The following TIMM17A variants were observed in gnomAD, a reference collection of about 807,000 sequenced individuals.
TIMM17A encodes mitochondrial import inner membrane translocase subunit Tim17-A.
In TIMM17A, 15 loss-of-function variants were observed where a neutral mutation model predicts 26.5. The ratio of observed to expected loss-of-function variants is 0.57; its 90% CI spans 0.38 to 0.87. TIMM17A has a LOEUF of 0.87. Among genes scored for constraint, TIMM17A ranks in the 40% least tolerant of loss-of-function variants. TIMM17A has a pLI of 0.00. For missense variants in TIMM17A, 201 were observed against 210.0 expected (o/e 0.96, Z 0.27); for synonymous variants, 80 against 70.8 (o/e 1.13, Z -0.66).
At chr1:201,966,133 T>C (rs1682619782) in intron 5 of TIMM17A, among the ~76,000 whole-genome samples, 1 of 152,224 alleles carries the variant, frequency 6.6e-6, no homozygotes, top group Non-Finnish European at 1.5e-5. Flanking sequence ...TTGTTGCCTG[T>C]TGTTCCTCCT....
intron 5 of TIMM17A, among the ~76,000 whole-genome samples, chr1:201,966,991 T>TGTGTGTGTGTGTGTGTG (rs1491350132): frequency 7.5e-6 from 1 of 133,100 alleles, no homozygotes; most frequent in South Asian, 2.4e-4. Flanking sequence ...ATTATATATG[T>TGTGTGTGTGTGTGTGTG]TGTGTGTGTG....
chr1:201,965,574 A>G lies in TIMM17A; in HGVS notation c.430+31A>G, dbSNP rs758168247. The G allele has an allele frequency of 6.0e-6, 8 of 1,338,558 alleles. No individual in the cohort carries two copies. The Admixed American group carries it at 8.4e-5, about 14-fold the overall frequency. 82.9% of individuals were successfully genotyped at this position (1,338,558 alleles called of 1,614,324 possible). A position where few individuals can be genotyped will look rare whatever the true frequency, so the allele number is the denominator to read the frequency against. ...TCTTTTTGCTTAAAACTATAGCTCA[A>G]ACATTTTGGAATGGTTTTCTGATGT... On this transcript the variant is annotated intron_variant, in intron 5 of 5. Transcript: ENST00000367287.
At chr1:201,965,355 A>G in intron 4 of TIMM17A, 78 bp from the exon 5 acceptor site, 2 of 1,013,474 alleles carry the variant, frequency 2.0e-6, no homozygotes, top group Non-Finnish European at 3.1e-6. Flanking sequence ...CACCATATGG[A>G]CAGTTCTCTT....
chr1:201,967,703 C>T (rs992090848), intron 5 of TIMM17A, among the ~76,000 whole-genome samples: 63 of 151,708 alleles, frequency 4.2e-4, no homozygotes, highest in Admixed American at 4.0e-3. Flanking sequence ...CCGCTATGCC[C>T]GGCTAATTTT....
chr1:201,964,158 A>G (rs1682581184), intron 4 of TIMM17A, among the ~76,000 whole-genome samples: 1 of 152,156 alleles, frequency 6.6e-6, no homozygotes, highest in Non-Finnish European at 1.5e-5. Flanking sequence ...GGTGATTTGA[A>G]AAAAAAGTAA....
intron 3 of TIMM17A, among the ~76,000 whole-genome samples, chr1:201,958,816 T>G (rs937456667): frequency 6.6e-6 from 1 of 152,224 alleles, no homozygotes; most frequent in Non-Finnish European, 1.5e-5. Context: ...TAATCTTCTC[T>G]TTGCTTTTCT....
At chr1:201,959,766 A>G (rs927246918) in intron 3 of TIMM17A, among the ~76,000 whole-genome samples, 21 of 151,606 alleles carry the variant, frequency 1.4e-4, no homozygotes, top group African/African-American at 5.1e-4. Flanking sequence ...CAAGGTGAGG[A>G]GAGCGAGACT....
intron 5 of TIMM17A, 118 bp from the exon 6 acceptor site, chr1:201,969,351 T>C (rs1436058381): frequency 5.1e-6 from 4 of 777,546 alleles, no homozygotes; most frequent in Admixed American, 5.4e-5. Context: ...TTTAGGGTTA[T>C]AGCTTTAATT....
At chr1:201,963,388 A>T in intron 3 of TIMM17A, 1 of 419,564 alleles carries the variant, frequency 2.4e-6, no homozygotes, top group East Asian at 5.6e-5. Flanking sequence ...CTTATTTCTT[A>T]TAGGCTTTGG....
At chr1:201,967,047 A>G (rs1682646644) in intron 5 of TIMM17A, among the ~76,000 whole-genome samples, 1 of 138,838 alleles carries the variant, frequency 7.2e-6, no homozygotes, top group Non-Finnish European at 1.6e-5. Context: ...GTAGTAGTGA[A>G]AATTTGACCT....
intron 1 of TIMM17A, among the ~76,000 whole-genome samples, chr1:201,956,002 C>G (rs1350724430): frequency 6.6e-6 from 1 of 152,178 alleles, no homozygotes; most frequent in African/African-American, 2.4e-5. Flanking sequence ...TTACTTGTAT[C>G]ATGATATGTG....
At chr1:201,957,445 G>A in intron 2 of TIMM17A, 65 bp downstream of exon 2, 3 of 1,592,196 alleles carry the variant, frequency 1.9e-6, no homozygotes, top group Non-Finnish European at 2.6e-6. Flanking sequence ...ATTACTGGTG[G>A]TCCCATCAGT....
intron 5 of TIMM17A, among the ~76,000 whole-genome samples, chr1:201,968,779 C>A (rs980393712): frequency 2.0e-5 from 3 of 152,120 alleles, no homozygotes; most frequent in African/African-American, 4.8e-5. Context: ...TTGAAAACTT[C>A]AGAGAATTCT....
At chr1:201,957,209 T>C in intron 1 of TIMM17A, 72 bp from the exon 2 acceptor site, 7 of 968,384 alleles carry the variant, frequency 7.2e-6, no homozygotes, top group Non-Finnish European at 1.2e-5. Flanking sequence ...TTATAATCCT[T>C]ACTGTATTGG....
chr1:201,961,414 C>G (rs1214910132), intron 3 of TIMM17A, among the ~76,000 whole-genome samples: 1 of 152,082 alleles, frequency 6.6e-6, no homozygotes, highest in Non-Finnish European at 1.5e-5. Context: ...TTTGACATGT[C>G]CCTGTTACTC....
intron 3 of TIMM17A, chr1:201,963,196 C>T (rs1682565556): frequency 1.2e-5 from 2 of 161,124 alleles, no homozygotes; most frequent in African/African-American, 4.8e-5. Context: ...CTGCCTCAGC[C>T]TCCCCAGTAG....
chr1:201,957,320 G>A lies in TIMM17A; in HGVS notation c.66G>A (p.Thr22=), dbSNP rs146780639. 1,369 of 1,613,956 alleles carry A rather than the reference G, an allele frequency of 8.5e-4. 7 individuals carry two copies. In the African/African-American group the frequency reaches 9.7e-3, roughly 11 times the overall value. Reference sequence around the variant, plus strand: ...TGGATGACTGTGGTGGGGCCTTTACGATGGGTACCATTGGTGGTGGTATCT... The same window carrying A: ...TGGATGACTGTGGTGGGGCCTTTACAATGGGTACCATTGGTGGTGGTATCT... ...RIVDDCGGAF[T]MGTIGGGIFQ... The change falls in exon 2 of 6, where the codon ACG becomes ACA. Residue 22 remains threonine, a synonymous_variant. Transcript: ENST00000367287.
intron 4 of TIMM17A, among the ~76,000 whole-genome samples, chr1:201,963,953 CAA>C (rs200184433): frequency 2.7e-5 from 4 of 146,146 alleles, no homozygotes; most frequent in East Asian, 2.0e-4. Context: ...CTGGTCTCTA[CAA>C]AAAAAAAAAT....
intron 3 of TIMM17A, chr1:201,963,250 A>G: frequency 5.7e-6 from 1 of 174,792 alleles, no homozygotes; most frequent in Non-Finnish European, 1.2e-5. Flanking sequence ...TAATTTTTAC[A>G]TTTTTAGTAG....
Sources: gnomAD v4.1 joint callset for allele counts (sites outside exome capture counted in the v4.1 genomes callset) on GRCh38, gnomAD v4.1.1 for gene constraint, MANE v1.5 for transcripts, NCBI Gene and HGNC (gene_info 2026-07-23, HGNC 2026-07-21) for gene names.